ITGA4: variants seen among roughly 807,000 people sequenced by gnomAD.
ITGA4 encodes integrin alpha-4.
In ITGA4, 63 loss-of-function variants were observed where a neutral mutation model predicts 133.6. The ratio of observed to expected loss-of-function variants is 0.47; its 90% CI spans 0.38 to 0.58. The LOEUF is 0.58. ITGA4 is among the 20% of genes least tolerant of loss of function. ITGA4 has a pLI of 0.00. For missense variants in ITGA4, 1,076 were observed against 1,252.7 expected, an observed-to-expected ratio of 0.86 and a Z score of 2.13; for synonymous variants, 483 against 438.0, an observed-to-expected ratio of 1.10 and a Z score of -1.28.
intron 10 of ITGA4, among the ~76,000 whole-genome samples, chr2:181,487,946 A>G (rs1242625084): frequency 6.6e-6 from 1 of 152,228 alleles, no homozygotes; most frequent in African/African-American, 2.4e-5. Context: ...TCTTTCTTTT[A>G]AAAACACAAA....
Position 181,480,176 on chromosome 2 carries a change from A to G in ITGA4, c.664A>G (p.Thr222Ala). ...VMGAPGSSYWTGSLFVYNITT... is the reference protein window; with the variant it reads ...VMGAPGSSYWAGSLFVYNITT... ...GGGGGCCCCAGGATCATCTTACTGG[A>G]CTGGCTCTCTTTTTGTCTACAATAT... The change falls in exon 6 of 28, where the codon ACT (threonine) becomes GCT (alanine). Residue 222 changes from threonine (T) to alanine (A), a missense_variant. Transcript: ENST00000397033. 1 of 1,564,664 alleles carries G rather than the reference A, an allele frequency of 6.4e-7. No individual in the cohort carries two copies. The highest frequency in any genetic ancestry group is 8.6e-7 in the Non-Finnish European group (1 of 1,157,528).
chr2:181,481,912 T>C (rs1226544145), intron 7 of ITGA4, among the ~76,000 whole-genome samples: 1 of 152,140 alleles, frequency 6.6e-6, no homozygotes, highest in Non-Finnish European at 1.5e-5. Context: ...TTTAAGAAAA[T>C]TATAAGATAG....
intron 2 of ITGA4, among the ~76,000 whole-genome samples, chr2:181,471,097 A>C (rs920008214): frequency 2.0e-5 from 3 of 152,204 alleles, no homozygotes; most frequent in Non-Finnish European, 2.9e-5. Context: ...TCACTTATTA[A>C]GATTGGTTTT....
chr2:181,529,485 G>A, intron 22 of ITGA4, 56 bp from the exon 23 acceptor site: 1 of 846,990 alleles, frequency 1.2e-6, no homozygotes, highest in Non-Finnish European at 2.0e-6. Context: ...ACTGATATCT[G>A]TACTTACATT....
chr2:181,517,858 G>A (rs1264140249), intron 17 of ITGA4, among the ~76,000 whole-genome samples: 1 of 152,038 alleles, frequency 6.6e-6, no homozygotes, highest in Non-Finnish European at 1.5e-5. Context: ...TTCACCTTCT[G>A]TTGCTTGTCT....
chr2:181,472,633 A>G (rs1014637662), intron 2 of ITGA4, among the ~76,000 whole-genome samples: 4 of 152,222 alleles, frequency 2.6e-5, no homozygotes, highest in African/African-American at 7.2e-5. Flanking sequence ...TAAACAATTG[A>G]TTTTAGTGAA....
At chr2:181,529,932 T>C (rs906078123) in intron 23 of ITGA4, among the ~76,000 whole-genome samples, 1 of 152,226 alleles carries the variant, frequency 6.6e-6, no homozygotes, top group Non-Finnish European at 1.5e-5. Context: ...TACATTGTTG[T>C]GTGATATGGA....
At chr2:181,477,244 C>T (rs62191406) in intron 4 of ITGA4, among the ~76,000 whole-genome samples, 5,788 of 152,040 alleles carry the variant, frequency 0.038, 188 homozygotes, top group African/African-American at 0.088. Flanking sequence ...AAACACGATA[C>T]CTGAAACCAT....
At chr2:181,506,753 G>T (rs949324554) in intron 15 of ITGA4, among the ~76,000 whole-genome samples, 3 of 151,970 alleles carry the variant, frequency 2.0e-5, no homozygotes, top group Non-Finnish European at 4.4e-5. Context: ...ATTTCTTAAG[G>T]ATTATTAATT....
intron 17 of ITGA4, among the ~76,000 whole-genome samples, chr2:181,521,341 A>C (rs1686716609): frequency 6.6e-6 from 1 of 152,196 alleles, no homozygotes. Flanking sequence ...AGAACATTCT[A>C]GCTGTGGCCT....
chr2:181,496,031 G>A lies in ITGA4; in HGVS notation c.1540+94G>A. On this transcript the variant is annotated intron_variant, in intron 14 of 27. Transcript: ENST00000397033. ...GGAGCCCTCACCGGTTTTCACCACG[G>A]AGATCTTCTTTAGAGCGGGGGAGAG... 3 of 1,286,788 alleles carry A rather than the reference G, an allele frequency of 2.3e-6. No homozygotes were observed. The South Asian group carries it at 4.1e-5, about 18-fold the overall frequency. The allele number at this position is 1,286,788 out of a possible 1,614,324, so 79.7% of individuals were successfully genotyped here. A position where few individuals can be genotyped will look rare whatever the true frequency, so the allele number is the denominator to read the frequency against.
chr2:181,473,144 C>T (rs1280854757), intron 2 of ITGA4, among the ~76,000 whole-genome samples: 1 of 152,230 alleles, frequency 6.6e-6, no homozygotes, highest in Non-Finnish European at 1.5e-5. Flanking sequence ...GCAGGGGTCC[C>T]CAATCCCTGG....
At chr2:181,501,142 A>G (rs1686260222) in intron 15 of ITGA4, among the ~76,000 whole-genome samples, 1 of 152,200 alleles carries the variant, frequency 6.6e-6, no homozygotes, top group Admixed American at 6.5e-5. Flanking sequence ...TTCTGAAAAC[A>G]CAAATTGCTG....
At chr2:181,487,384 G>C (rs950741990) in intron 10 of ITGA4, among the ~76,000 whole-genome samples, 1 of 152,072 alleles carries the variant, frequency 6.6e-6, no homozygotes, top group African/African-American at 2.4e-5. Context: ...TCCTAGAAAG[G>C]GGACGGGACA....
chr2:181,492,742 G>A (rs975519064), intron 10 of ITGA4, among the ~76,000 whole-genome samples: 2 of 152,080 alleles, frequency 1.3e-5, no homozygotes, highest in African/African-American at 2.4e-5. Flanking sequence ...CTGAAATCCT[G>A]TGTGTCTGTG....
intron 22 of ITGA4, 92 bp from the exon 23 acceptor site, chr2:181,529,449 G>A (rs1247788224): frequency 1.6e-6 from 1 of 618,970 alleles, no homozygotes; most frequent in East Asian, 2.9e-5. Context: ...ATGTTGCATG[G>A]AATATACGGG....
intron 15 of ITGA4, among the ~76,000 whole-genome samples, chr2:181,502,759 T>A (rs1204100082): frequency 6.6e-6 from 1 of 152,036 alleles, no homozygotes; most frequent in Non-Finnish European, 1.5e-5. Flanking sequence ...TCAGATGGTG[T>A]TTGGGACCAC....
In ITGA4 at chr2:181,536,277, CT is replaced by C. The variant is rs1687083968; in HGVS notation, c.*751del. The C allele has an allele frequency of 6.6e-6, 1 of 151,786 alleles. No homozygotes were observed. Among genetic ancestry groups the C allele is most frequent in the Non-Finnish European group, 1.5e-5 (1 of 67,908 alleles). 9.4% of individuals were successfully genotyped at this position (151,786 alleles called of 1,614,324 possible). On this transcript the variant is annotated 3_prime_UTR_variant, in exon 28 of 28. Coordinates refer to ENST00000397033, the MANE Select transcript of ITGA4 (RefSeq NM_000885.6). ...TGTAGGTATATATTTACCATTCTTCCTATCTATTCTTCCTATAACACACCTT... is the reference window on the plus strand; with the variant it reads ...TGTAGGTATATATTTACCATTCTTCCATCTATTCTTCCTATAACACACCTT...
chr2:181,527,548 C>A, intron 22 of ITGA4, 161 bp downstream of exon 22: 1 of 545,312 alleles, frequency 1.8e-6, no homozygotes, highest in Non-Finnish European at 3.3e-6. Flanking sequence ...TCTCAGACCC[C>A]TGCTGCTTTC....
Sources: gnomAD v4.1 joint callset for allele counts (sites outside exome capture counted in the v4.1 genomes callset) on GRCh38, gnomAD v4.1.1 for gene constraint, MANE v1.5 for transcripts, NCBI Gene and HGNC (gene_info 2026-07-23, HGNC 2026-07-21) for gene names.